The following NUDCD3 variants were observed in gnomAD, a reference collection of about 807,000 sequenced individuals.
NUDCD3 encodes NudC domain containing 3.
Under a neutral mutation model 39.7 loss-of-function variants are expected in NUDCD3, and 13 were observed. The observed-to-expected ratio is 0.33, with a 90% CI of 0.21 to 0.52. The LOEUF (loss-of-function observed/expected upper bound fraction) is 0.52. Among genes scored for constraint, NUDCD3 ranks in the 20% least tolerant of loss-of-function variants. The probability of loss-of-function intolerance (pLI) is 0.96; values close to 1 mark genes in which losing one functional copy is unlikely to be tolerated. For synonymous variants in NUDCD3, 175 were observed against 172.4 expected, an observed-to-expected ratio of 1.02 and a Z score of -0.12; for missense variants, 453 against 458.1, an observed-to-expected ratio of 0.99 and a Z score of 0.10.
At chr7:44,443,782 T>C (rs1027437130) in intron 2 of NUDCD3, among the ~76,000 whole-genome samples, 1 of 152,148 alleles carries the variant, frequency 6.6e-6, no homozygotes, top group Non-Finnish European at 1.5e-5. Flanking sequence ...GGTGAAGACC[T>C]GGGGCCCAGG....
chr7:44,472,368 G>A (rs999686529), intron 2 of NUDCD3, among the ~76,000 whole-genome samples: 1 of 152,136 alleles, frequency 6.6e-6, no homozygotes, highest in African/African-American at 2.4e-5. Context: ...AGGACTTACT[G>A]AATAAAAAGA....
chr7:44,410,430 A>C (rs1182217012), intron 3 of NUDCD3, among the ~76,000 whole-genome samples: 1 of 152,134 alleles, frequency 6.6e-6, no homozygotes, highest in African/African-American at 2.4e-5. Flanking sequence ...TGGGAGGCCG[A>C]GGTGGGTGGA....
At chr7:44,389,039 T>A (rs1798458598) in intron 5 of NUDCD3, among the ~76,000 whole-genome samples, 1 of 152,230 alleles carries the variant, frequency 6.6e-6, no homozygotes, top group Admixed American at 6.5e-5. Context: ...GTTCCACGCC[T>A]GGGCTATGCA....
Position 44,485,228 on chromosome 7 carries a change from T to C in NUDCD3, c.249A>G (p.Glu83=), listed in dbSNP as rs1348718803. The change falls in exon 2 of 6, where the codon GAA becomes GAG. Residue 83 remains glutamate, a synonymous_variant. Transcript: ENST00000355451. Reference sequence around the variant, plus strand: ...CCTTTCTTCTGATTTTCTCTTCAAGTTCCTGCCTTCTCTTCTCATCATCCT... The same window carrying C: ...CCTTTCTTCTGATTTTCTCTTCAAGCTCCTGCCTTCTCTTCTCATCATCCT... ...ARQDDEKRRQ[E]LEEKIRRKEE... is the part of the protein sequence containing the mutation. 1.3e-5 allele frequency: 21 copies of C among 1,614,068 alleles called. No individual in the cohort carries two copies. Among genetic ancestry groups the C allele is most frequent in the Non-Finnish European group, 1.8e-5 (21 of 1,180,018 alleles).
intron 2 of NUDCD3, among the ~76,000 whole-genome samples, chr7:44,441,697 T>C (rs1799587968): frequency 6.6e-6 from 1 of 151,896 alleles, no homozygotes; most frequent in Non-Finnish European, 1.5e-5. Context: ...ACTCAAAGAG[T>C]ACTGGCCCAG....
chr7:44,413,813 G>C (rs1019954856), intron 3 of NUDCD3, among the ~76,000 whole-genome samples: 1 of 152,206 alleles, frequency 6.6e-6, no homozygotes, highest in Non-Finnish European at 1.5e-5. Context: ...AGCACTTTGG[G>C]AGACCAAGGT....
Position 44,427,662 on chromosome 7 carries a change from C to T in NUDCD3, c.551G>A (p.Gly184Asp). Residue 184 changes from glycine to aspartate, a missense_variant, in exon 3 of 6, where the codon GGT becomes GAT. By Grantham distance (94) the Gly-to-Asp change is moderately conservative. Coordinates refer to ENST00000355451, the MANE Select transcript of NUDCD3 (RefSeq NM_015332.4). ...CCAGGTGTAGTTCTCTCGGACAGCA[C>T]CATTGTAACTGTCGGGATTTTTCTG... ...QFQKNPDSYN[G>D]AVRENYTWSQ... The T allele has an allele frequency of 6.2e-7, 1 of 1,613,458 alleles. No homozygotes were observed. The highest frequency in any genetic ancestry group is 8.5e-7 in the Non-Finnish European group (1 of 1,179,714).
chr7:44,460,329 A>G (rs956377227), intron 2 of NUDCD3, among the ~76,000 whole-genome samples: 2 of 152,254 alleles, frequency 1.3e-5, no homozygotes, highest in Non-Finnish European at 2.9e-5. Context: ...AGAAATGCAA[A>G]GTAAACTATA....
At chr7:44,478,119 C>A (rs923253415) in intron 2 of NUDCD3, among the ~76,000 whole-genome samples, 7 of 152,184 alleles carry the variant, frequency 4.6e-5, no homozygotes, top group African/African-American at 1.7e-4. Flanking sequence ...CAGGCATGAG[C>A]CACCACACCC....
intron 3 of NUDCD3, among the ~76,000 whole-genome samples, chr7:44,413,619 T>C (rs976225781): frequency 2.6e-5 from 4 of 152,246 alleles, no homozygotes; most frequent in Admixed American, 1.3e-4. Context: ...TTTTCATCTA[T>C]TCAACTTACG....
intron 2 of NUDCD3, among the ~76,000 whole-genome samples, chr7:44,472,692 C>T (rs1263720779): frequency 6.6e-6 from 1 of 152,046 alleles, no homozygotes. Context: ...TTTGTAGATA[C>T]AAAGAATGGA....
chr7:44,439,595 TAAAA>T (rs75213700), intron 2 of NUDCD3, among the ~76,000 whole-genome samples: 1 of 114,068 alleles, frequency 8.8e-6, no homozygotes, highest in Admixed American at 9.2e-5. Flanking sequence ...AGGAAGTGCT[TAAAA>T]AAAAAAAAAA....
At chr7:44,398,641 A>T (rs1798667060) in intron 4 of NUDCD3, among the ~76,000 whole-genome samples, 1 of 152,190 alleles carries the variant, frequency 6.6e-6, no homozygotes. Flanking sequence ...CAGCATTTAT[A>T]TCCCTTTCCT....
intron 2 of NUDCD3, among the ~76,000 whole-genome samples, chr7:44,432,612 T>C (rs1025721749): frequency 6.6e-6 from 1 of 152,222 alleles, no homozygotes; most frequent in Non-Finnish European, 1.5e-5. Flanking sequence ...GCTCAGTGAT[T>C]GAGGCCCGGT....
intron 2 of NUDCD3, chr7:44,481,573 A>G (rs1416479374): frequency 6.6e-6 from 1 of 152,256 alleles, no homozygotes; most frequent in Non-Finnish European, 1.5e-5. Context: ...CCAGGACTGT[A>G]ACTTAGCCAA....
At chr7:44,452,012 T>C (rs763344218) in intron 2 of NUDCD3, among the ~76,000 whole-genome samples, 66 of 152,174 alleles carry the variant, frequency 4.3e-4, no homozygotes, top group Middle Eastern at 3.2e-3. Context: ...GTACCACTGA[T>C]GAGGGCAAAA....
intron 2 of NUDCD3, among the ~76,000 whole-genome samples, chr7:44,477,979 A>C (rs1264094095): frequency 1.3e-5 from 2 of 151,908 alleles, no homozygotes; most frequent in East Asian, 3.9e-4. Context: ...GATTACAGGC[A>C]CGCACCACCA....
At chr7:44,390,004 A>G (rs1305474026) in intron 5 of NUDCD3, among the ~76,000 whole-genome samples, 1 of 152,228 alleles carries the variant, frequency 6.6e-6, no homozygotes, top group African/African-American at 2.4e-5. Flanking sequence ...ATCACAGGAA[A>G]CATGAGGGCT....
intron 2 of NUDCD3, among the ~76,000 whole-genome samples, chr7:44,456,981 A>C (rs1191773590): frequency 6.6e-6 from 1 of 152,000 alleles, no homozygotes. Context: ...ACATCCTGGG[A>C]ATTCCCTCAG....
Sources: gnomAD v4.1 joint callset for allele counts (sites outside exome capture counted in the v4.1 genomes callset) on GRCh38, gnomAD v4.1.1 for gene constraint, MANE v1.5 for transcripts, NCBI Gene and HGNC (gene_info 2026-07-23, HGNC 2026-07-21) for gene names.